GRM7: variants seen among roughly 807,000 people sequenced by gnomAD.
GRM7 encodes the protein glutamate metabotropic receptor 7, also known as metabotropic glutamate receptor 7.
In GRM7, 35 loss-of-function variants were observed where a neutral mutation model predicts 84.5. That is an observed-to-expected ratio of 0.41 (90% CI 0.32 to 0.55). GRM7 has a LOEUF of 0.55. GRM7 is among the 20% of genes least tolerant of loss of function. The pLI, the probability that GRM7 is intolerant of heterozygous loss-of-function variation, is 0.19. For synonymous variants in GRM7, 487 were observed against 455.1 expected (o/e 1.07, Z -0.89); for missense variants, 1,003 against 1,194.6 (o/e 0.84, Z 2.36).
At position 7,229,722 on chromosome 3, in the gene GRM7, CACACATATATATATATAT is replaced by C. The variant is rs1177932486; in HGVS notation, c.737-68960_737-68943del. 5.9e-3 allele frequency among the ~76,000 whole-genome samples: 151 copies of C among 25,800 alleles called. 19 individuals carry two copies. The highest frequency in any genetic ancestry group is 0.016 in the African/African-American group (135 of 8,580). 16.9% of individuals were successfully genotyped at this position (25,800 alleles called of 152,430 possible). On this transcript the variant is annotated intron_variant, in intron 2 of 9. Transcript: ENST00000357716. ...TCCCCAACCCCGCTCTCCATAGACA[CACACATATATATATATAT>C]ATATATATATATATATATATTTTTT...
intron 8 of GRM7, among the ~76,000 whole-genome samples, chr3:7,674,196 CT>C (rs544007872): frequency 1.6e-3 from 235 of 144,156 alleles, no homozygotes; most frequent in Admixed American, 1.4e-3. Context: ...GAATTTTTTT[CT>C]TTTTTTTTTT....
At chr3:7,359,162 T>C (rs1316492632) in intron 4 of GRM7, among the ~76,000 whole-genome samples, 1 of 144,838 alleles carries the variant, frequency 6.9e-6, no homozygotes, top group Non-Finnish European at 1.5e-5. Flanking sequence ...GGTCTAGGTC[T>C]ATGTATTTTA....
At chr3:7,117,210 G>A (rs1693065730) in intron 1 of GRM7, among the ~76,000 whole-genome samples, 1 of 152,284 alleles carries the variant, frequency 6.6e-6, no homozygotes, top group Admixed American at 6.5e-5. Flanking sequence ...CTGGTGCTGT[G>A]TTGTGTCCTG....
chr3:7,070,114 G>C (rs1316493272), intron 1 of GRM7, among the ~76,000 whole-genome samples: 1 of 152,100 alleles, frequency 6.6e-6, no homozygotes, highest in Non-Finnish European at 1.5e-5. Flanking sequence ...GAAAAGGATA[G>C]CTGCTCAGTA....
At chr3:7,057,666 A>G (rs1242329149) in intron 1 of GRM7, among the ~76,000 whole-genome samples, 1 of 151,980 alleles carries the variant, frequency 6.6e-6, no homozygotes, top group East Asian at 1.9e-4. Flanking sequence ...TTAATGTTTG[A>G]GTTAGATGAA....
At chr3:6,973,185 A>G (rs189815964) in intron 1 of GRM7, among the ~76,000 whole-genome samples, 32 of 152,212 alleles carry the variant, frequency 2.1e-4, no homozygotes, top group African/African-American at 7.7e-4. Context: ...TTTTATTATG[A>G]TGGTTTTATT....
At chr3:6,959,014 T>C (rs541224885) in intron 1 of GRM7, among the ~76,000 whole-genome samples, 3 of 152,338 alleles carry the variant, frequency 2.0e-5, no homozygotes, top group African/African-American at 7.2e-5. Flanking sequence ...CATATGGCCC[T>C]GTAGGCGTCA....
intron 1 of GRM7, among the ~76,000 whole-genome samples, chr3:6,950,311 T>TG (rs1692688885): frequency 6.6e-6 from 1 of 152,234 alleles, no homozygotes; most frequent in Non-Finnish European, 1.5e-5. Flanking sequence ...TGGAGTTTAC[T>TG]GGAGGTCCAC....
At chr3:7,399,215 A>T (rs942762082) in intron 4 of GRM7, among the ~76,000 whole-genome samples, 1 of 147,124 alleles carries the variant, frequency 6.8e-6, no homozygotes, top group Non-Finnish European at 1.5e-5. Flanking sequence ...ATAATAATAA[A>T]ATGTCCTCAA....
At chr3:7,661,141 A>AGAT (rs767770867) in intron 8 of GRM7, among the ~76,000 whole-genome samples, 5 of 152,168 alleles carry the variant, frequency 3.3e-5, no homozygotes, top group Non-Finnish European at 5.9e-5. Flanking sequence ...GTTTTTCAAA[A>AGAT]GATAGTGTTA....
chr3:7,610,556 A>G (rs547941437), intron 8 of GRM7, among the ~76,000 whole-genome samples: 30 of 152,244 alleles, frequency 2.0e-4, no homozygotes, highest in African/African-American at 7.0e-4. Context: ...ACAATTTTGG[A>G]GGGAATTTTT....
At chr3:7,276,788 TTCCTTCCTTCCTTC>T (rs1559546939) in intron 2 of GRM7, among the ~76,000 whole-genome samples, 12 of 3,560 alleles carry the variant, frequency 3.4e-3, no homozygotes, top group South Asian at 0.013. Flanking sequence ...CCTTCCTTCC[TTCCTTCCTTCCTTC>T]CTTTTTGGTG....
At position 7,148,847 on chromosome 3, in the gene GRM7, G is replaced by T. The variant is rs77761223; in HGVS notation, c.736+2179G>T. On this transcript the variant is annotated intron_variant, in intron 2 of 9. Transcript: ENST00000357716. ...TCCTAGAGCCTTTCCCCTTGAGGAC[G>T]GGAGTAGCTAAAAAGCCAGCTGGTG... Among the ~76,000 whole-genome samples the T allele has an allele frequency of 6.8e-3, 1,042 of 152,200 alleles. 31 individuals are homozygous for T. Among genetic ancestry groups the T allele is most frequent in the Admixed American group, 0.045 (695 of 15,286 alleles).
chr3:6,914,901 A>G lies in GRM7; in HGVS notation c.519+52994A>G, dbSNP rs74701788. Among the ~76,000 whole-genome samples the G allele has an allele frequency of 7.8e-4, 118 of 152,254 alleles. No homozygotes were observed. In the East Asian group the frequency reaches 0.021, roughly 27 times the overall value. On this transcript the variant is annotated intron_variant, in intron 1 of 9. Coordinates refer to ENST00000357716, the MANE Select transcript of GRM7 (RefSeq NM_000844.4). ...TCTATTCAAGACCAGTGTGGCCCCT[A>G]TCGTTCTTTGCACAACATTATTTGG...
At chr3:7,378,675 A>G (rs1157041205) in intron 4 of GRM7, among the ~76,000 whole-genome samples, 1 of 152,164 alleles carries the variant, frequency 6.6e-6, no homozygotes, top group African/African-American at 2.4e-5. Flanking sequence ...ATATTGTATT[A>G]ACTAACATTA....
intron 7 of GRM7, among the ~76,000 whole-genome samples, chr3:7,488,314 C>G (rs1699396440): frequency 6.6e-6 from 1 of 152,082 alleles, no homozygotes; most frequent in Non-Finnish European, 1.5e-5. Context: ...TGTGAATTTC[C>G]TCACAGTGGA....
chr3:7,730,370 T>C (rs887906724), intron 9 of GRM7, among the ~76,000 whole-genome samples: 2 of 152,178 alleles, frequency 1.3e-5, no homozygotes, highest in Admixed American at 6.5e-5. Context: ...TTAAGCTCTG[T>C]GAAAGCAGGG....
At chr3:6,879,805 C>T (rs1695440658) in intron 1 of GRM7, among the ~76,000 whole-genome samples, 1 of 152,172 alleles carries the variant, frequency 6.6e-6, no homozygotes, top group African/African-American at 2.4e-5. Flanking sequence ...AGTTACTTAC[C>T]TAACTTTCCT....
chr3:7,609,047 G>A (rs1026479375), intron 8 of GRM7, among the ~76,000 whole-genome samples: 5 of 152,104 alleles, frequency 3.3e-5, no homozygotes, highest in South Asian at 2.1e-4. Context: ...TTATTTCTGG[G>A]CTCTCTATTC....
Sources: gnomAD v4.1 joint callset for allele counts (sites outside exome capture counted in the v4.1 genomes callset) on GRCh38, gnomAD v4.1.1 for gene constraint, MANE v1.5 for transcripts, NCBI Gene and HGNC (gene_info 2026-07-23, HGNC 2026-07-21) for gene names.